RBFOX1: variants seen among roughly 807,000 people sequenced by gnomAD.
The protein encoded by RBFOX1 is RNA binding protein fox-1 homolog 1.
RBFOX1 carries 8 observed loss-of-function variants against 57.7 expected under a neutral mutation model. That is an observed-to-expected ratio of 0.14 (90% CI 0.08 to 0.25). The LOEUF (loss-of-function observed/expected upper bound fraction) is 0.25, where lower values mean the gene tolerates loss of function less well. Among genes scored for constraint, RBFOX1 ranks in the 10% least tolerant of loss-of-function variants. The pLI, the probability that RBFOX1 is intolerant of heterozygous loss-of-function variation, is 1.00. For missense variants in RBFOX1, 611 were observed against 548.5 expected, an observed-to-expected ratio of 1.11 and a Z score of -1.14; for synonymous variants, 326 against 222.4, an observed-to-expected ratio of 1.47 and a Z score of -4.15.
intron 3 of RBFOX1, among the ~76,000 whole-genome samples, chr16:6,880,683 C>G (rs1308759308): frequency 6.6e-6 from 1 of 152,178 alleles, no homozygotes; most frequent in Non-Finnish European, 1.5e-5. Context: ...AAAAAGAGCA[C>G]TGAGCTGTAT....
At chr16:6,312,020 G>A (rs1451287588) in intron 1 of RBFOX1, among the ~76,000 whole-genome samples, 1 of 152,194 alleles carries the variant, frequency 6.6e-6, no homozygotes, top group African/African-American at 2.4e-5. Context: ...GAGCATGTAT[G>A]CAATCATAAT....
intron 4 of RBFOX1, among the ~76,000 whole-genome samples, chr16:7,180,033 G>T (rs1401793407): frequency 6.6e-6 from 1 of 151,982 alleles, no homozygotes; most frequent in African/African-American, 2.4e-5. Flanking sequence ...TTGAGCCACT[G>T]AGTCCAGACC....
At chr16:5,368,230 G>A (rs761160108) in intron 1 of RBFOX1, among the ~76,000 whole-genome samples, 2 of 152,200 alleles carry the variant, frequency 1.3e-5, no homozygotes, top group African/African-American at 2.4e-5. Context: ...TTGGAGAAGC[G>A]TGAGGCTTGA....
chr16:6,228,521 T>C (rs2097434150), intron 1 of RBFOX1, among the ~76,000 whole-genome samples: 1 of 152,116 alleles, frequency 6.6e-6, no homozygotes, highest in Admixed American at 6.5e-5. Flanking sequence ...ACAATATGGT[T>C]GAACCTGGAG....
intron 3 of RBFOX1, among the ~76,000 whole-genome samples, chr16:5,704,833 G>C (rs545908774): frequency 1.3e-5 from 2 of 152,254 alleles, no homozygotes; most frequent in African/African-American, 4.8e-5. Context: ...CCTTTGAGTT[G>C]TTAGGAACTT....
intron 4 of RBFOX1, among the ~76,000 whole-genome samples, chr16:7,481,891 A>C: frequency 6.6e-6 from 1 of 152,220 alleles, no homozygotes; most frequent in East Asian, 1.9e-4. Flanking sequence ...GCTATCTTAC[A>C]ATAAAGTGTT....
chr16:5,477,469 C>A (rs761890779), intron 2 of RBFOX1, among the ~76,000 whole-genome samples: 1 of 152,176 alleles, frequency 6.6e-6, no homozygotes, highest in South Asian at 2.1e-4. Flanking sequence ...TACCAGGTGG[C>A]CCAGACTGTC....
chr16:6,024,143 G>T (rs1226089963), intron 1 of RBFOX1, among the ~76,000 whole-genome samples: 1 of 152,214 alleles, frequency 6.6e-6, no homozygotes, highest in Non-Finnish European at 1.5e-5. Context: ...AGACATGGGT[G>T]ACTGTGGCCT....
intron 3 of RBFOX1, among the ~76,000 whole-genome samples, chr16:6,759,446 A>G (rs767422099): frequency 8.0e-5 from 12 of 150,292 alleles, no homozygotes; most frequent in Non-Finnish European, 1.5e-4. Context: ...TTAGTCAACC[A>G]ACTTCATTTC....
At chr16:6,432,818 A>G (rs1044193810) in intron 2 of RBFOX1, among the ~76,000 whole-genome samples, 8 of 151,810 alleles carry the variant, frequency 5.3e-5, no homozygotes, top group South Asian at 2.1e-4. Context: ...TCTCTAATAA[A>G]AATACAAAAC....
chr16:7,188,160 C>T (rs923864764), intron 4 of RBFOX1, among the ~76,000 whole-genome samples: 45 of 152,142 alleles, frequency 3.0e-4, no homozygotes, highest in African/African-American at 1.0e-3. Flanking sequence ...TATTATCTAA[C>T]TGGAAAGAAA....
intron 4 of RBFOX1, among the ~76,000 whole-genome samples, chr16:5,954,156 G>A (rs1359569427): frequency 1.3e-5 from 2 of 152,170 alleles, no homozygotes; most frequent in Non-Finnish European, 2.9e-5. Flanking sequence ...CTTCCCTTGT[G>A]TTTGCCTCAG....
At chr16:7,006,780 C>T (rs76883118) in intron 3 of RBFOX1, among the ~76,000 whole-genome samples, 1 of 152,174 alleles carries the variant, frequency 6.6e-6, no homozygotes, top group Non-Finnish European at 1.5e-5. Flanking sequence ...AAACCCTATG[C>T]AGAAGAGAAC....
intron 2 of RBFOX1, among the ~76,000 whole-genome samples, chr16:6,474,313 T>C (rs919433499): frequency 6.6e-6 from 1 of 152,162 alleles, no homozygotes; most frequent in Non-Finnish European, 1.5e-5. Context: ...TTCAGGACCC[T>C]TTAATCATAT....
At chr16:6,717,411 C>T (rs988444239) in intron 3 of RBFOX1, among the ~76,000 whole-genome samples, 1 of 152,128 alleles carries the variant, frequency 6.6e-6, no homozygotes, top group Non-Finnish European at 1.5e-5. Flanking sequence ...TCTACTACAG[C>T]ATAAGAAACT....
chr16:5,281,984 T>G (rs2063282586), intron 1 of RBFOX1, among the ~76,000 whole-genome samples: 1 of 152,216 alleles, frequency 6.6e-6, no homozygotes, highest in Non-Finnish European at 1.5e-5. Flanking sequence ...TTGTATATCC[T>G]TTTGATATGG....
At chr16:7,235,633 T>G (rs1004020987) in intron 4 of RBFOX1, among the ~76,000 whole-genome samples, 3 of 152,218 alleles carry the variant, frequency 2.0e-5, no homozygotes, top group African/African-American at 7.2e-5. Context: ...TGAATTAGCC[T>G]TTTGTGGGAT....
intron 4 of RBFOX1, among the ~76,000 whole-genome samples, chr16:7,245,629 A>G (rs2094262312): frequency 6.6e-6 from 1 of 152,246 alleles, no homozygotes; most frequent in African/African-American, 2.4e-5. Flanking sequence ...AGCTAGAGAA[A>G]GAGCTATGCT....
chr16:7,336,337 T>C (rs1408121619), intron 4 of RBFOX1, among the ~76,000 whole-genome samples: 2 of 152,254 alleles, frequency 1.3e-5, no homozygotes, highest in Non-Finnish European at 2.9e-5. Context: ...TCTAGGTATC[T>C]ACCTCATAGA....
Sources: allele counts gnomAD v4.1 joint callset (sites outside exome capture counted in the v4.1 genomes callset), GRCh38; gene constraint gnomAD v4.1.1; transcripts MANE v1.5; gene names NCBI Gene and HGNC (gene_info 2026-07-23, HGNC 2026-07-21).